The following SGMS2 variants were observed in gnomAD, a reference collection of about 807,000 sequenced individuals.
The protein encoded by SGMS2 is phosphatidylcholine:ceramide cholinephosphotransferase 2.
In SGMS2, 21 loss-of-function variants were observed where a neutral mutation model predicts 43.8. The ratio of observed to expected loss-of-function variants is 0.48; its 90% confidence interval spans 0.34 to 0.69. The LOEUF is 0.69. SGMS2 is among the 30% of genes least tolerant of loss of function. The pLI, the probability that SGMS2 is intolerant of heterozygous loss-of-function variation, is 0.01. For missense variants in SGMS2, 384 were observed against 443.2 expected (o/e 0.87, Z 1.20); for synonymous variants, 167 against 160.6 (o/e 1.04, Z -0.30).
chr4:107,878,189 C>T (rs905440393), intron 2 of SGMS2, among the ~76,000 whole-genome samples: 3 of 152,174 alleles, frequency 2.0e-5, no homozygotes, highest in African/African-American at 7.2e-5. Flanking sequence ...GCTGGGATTA[C>T]AGGCATGAGC....
At chr4:107,900,906 C>T (rs765450843) in intron 4 of SGMS2, among the ~76,000 whole-genome samples, 8 of 152,054 alleles carry the variant, frequency 5.3e-5, no homozygotes, top group Non-Finnish European at 1.0e-4. Flanking sequence ...TAAACACTGG[C>T]CGATTTTAGT....
chr4:107,913,962 G>A lies in SGMS2; in HGVS notation c.*3409G>A, dbSNP rs1413709311. ...ATGAAAACTTTAAGCCAATCTTAATGCACTAGCCTCTGTAGTGTAAGGAAG... is the reference window on the plus strand; with the variant it reads ...ATGAAAACTTTAAGCCAATCTTAATACACTAGCCTCTGTAGTGTAAGGAAG... On this transcript the variant is annotated 3_prime_UTR_variant, in exon 7 of 7. Transcript: ENST00000690982. 1.3e-5 allele frequency: 2 copies of A among 152,106 alleles called. No individual in the cohort carries two copies. The highest frequency in any genetic ancestry group is 2.9e-5 in the Non-Finnish European group (2 of 68,004). The allele number at this position is 152,106 out of a possible 1,614,324, so 9.4% of individuals were successfully genotyped here.
intron 2 of SGMS2, among the ~76,000 whole-genome samples, chr4:107,869,343 C>T (rs1328877044): frequency 2.0e-5 from 3 of 151,996 alleles, no homozygotes; most frequent in Non-Finnish European, 2.9e-5. Flanking sequence ...GAAGTTTAGG[C>T]TGCTAAAAAA....
intron 1 of SGMS2, among the ~76,000 whole-genome samples, chr4:107,846,472 A>T (rs1726826959): frequency 6.7e-6 from 1 of 149,996 alleles, no homozygotes; most frequent in Non-Finnish European, 1.5e-5. Flanking sequence ...ATAGTATTCC[A>T]TGGTGTATAT....
At chr4:107,870,087 T>C (rs1209078246) in intron 2 of SGMS2, among the ~76,000 whole-genome samples, 1 of 152,256 alleles carries the variant, frequency 6.6e-6, no homozygotes, top group Non-Finnish European at 1.5e-5. Context: ...ACTTTTACGT[T>C]GTACTCTAGT....
chr4:107,906,458 TG>T (rs1367576219), intron 5 of SGMS2, among the ~76,000 whole-genome samples: 1 of 152,228 alleles, frequency 6.6e-6, no homozygotes, highest in Non-Finnish European at 1.5e-5. Context: ...TTTGGTTTTT[TG>T]TTTTTTCACC....
At chr4:107,856,533 A>C (rs1727438233) in intron 1 of SGMS2, among the ~76,000 whole-genome samples, 1 of 152,218 alleles carries the variant, frequency 6.6e-6, no homozygotes, top group Non-Finnish European at 1.5e-5. Context: ...CTTGAGTTAG[A>C]GTGCAAAAGC....
At chr4:107,877,917 T>TC (rs1553931529) in intron 2 of SGMS2, among the ~76,000 whole-genome samples, 8 of 137,624 alleles carry the variant, frequency 5.8e-5, no homozygotes, top group Non-Finnish European at 7.9e-5. Context: ...TCTTTTCTTT[T>TC]TTTTTTTTTT....
At chr4:107,890,950 T>TG (rs1316257406) in intron 2 of SGMS2, among the ~76,000 whole-genome samples, 1 of 152,008 alleles carries the variant, frequency 6.6e-6, no homozygotes, top group Non-Finnish European at 1.5e-5. Context: ...GCTGTCATGG[T>TG]GGGAAAAAAA....
chr4:107,850,649 C>T (rs1235735892), intron 1 of SGMS2, among the ~76,000 whole-genome samples: 1 of 152,112 alleles, frequency 6.6e-6, no homozygotes, highest in Admixed American at 6.6e-5. Context: ...ACTTTCCCTT[C>T]CTATAGTACC....
At chr4:107,830,566 G>T (rs1725836321) in intron 1 of SGMS2, among the ~76,000 whole-genome samples, 1 of 152,146 alleles carries the variant, frequency 6.6e-6, no homozygotes, top group African/African-American at 2.4e-5. Flanking sequence ...TTTAATAATA[G>T]CCATTCTGAC....
At chr4:107,873,261 C>T (rs898519014) in intron 2 of SGMS2, 8 of 151,880 alleles carry the variant, frequency 5.3e-5, no homozygotes, top group African/African-American at 1.7e-4. Context: ...CTTTTGCCTA[C>T]GATTTGTCAG....
At chr4:107,883,325 T>C (rs1055793181) in intron 2 of SGMS2, among the ~76,000 whole-genome samples, 5 of 152,194 alleles carry the variant, frequency 3.3e-5, no homozygotes, top group African/African-American at 1.2e-4. Flanking sequence ...CTTCTTTTTT[T>C]TATTTTTGAA....
chr4:107,835,206 A>C (rs938295375), intron 1 of SGMS2, among the ~76,000 whole-genome samples: 2 of 152,168 alleles, frequency 1.3e-5, no homozygotes, highest in Non-Finnish European at 2.9e-5. Context: ...AATCAGAAAT[A>C]GTGTAGAATT....
chr4:107,848,103 C>T (rs1726936831), intron 1 of SGMS2, among the ~76,000 whole-genome samples: 1 of 152,190 alleles, frequency 6.6e-6, no homozygotes, highest in South Asian at 2.1e-4. Context: ...CTGGCAACCA[C>T]TCATCTCTTT....
chr4:107,883,175 A>G (rs540032451), intron 2 of SGMS2, among the ~76,000 whole-genome samples: 3 of 152,296 alleles, frequency 2.0e-5, no homozygotes, highest in African/African-American at 7.2e-5. Flanking sequence ...TCAGATCTGA[A>G]CTGCCATCCC....
At position 107,910,593 on chromosome 4, in the gene SGMS2, T is replaced by C. The variant is rs374224142; in HGVS notation, c.*40T>C. On this transcript the variant is annotated 3_prime_UTR_variant, in exon 7 of 7. Coordinates refer to ENST00000690982, the MANE Select transcript of SGMS2 (RefSeq NM_001375905.1). ...GCATCAGCTCTTACACCAAAAGAGT[T>C]AACGCTGTAACCAAAGGTATAGTTT... 8 of 1,579,330 alleles carry C rather than the reference T, an allele frequency of 5.1e-6. No homozygotes were observed. The African/African-American group carries it at 1.1e-4, about 21-fold the overall frequency.
chr4:107,836,781 T>G (rs1320437274), intron 1 of SGMS2, among the ~76,000 whole-genome samples: 1 of 152,128 alleles, frequency 6.6e-6, no homozygotes, highest in Non-Finnish European at 1.5e-5. Flanking sequence ...TTACTTGATA[T>G]CAAATATTTG....
intron 2 of SGMS2, among the ~76,000 whole-genome samples, chr4:107,860,321 G>T (rs1727655545): frequency 6.6e-6 from 1 of 151,988 alleles, no homozygotes; most frequent in South Asian, 2.1e-4. Context: ...ATGTTCCACA[G>T]TTAAAATAGT....
Sources: allele counts gnomAD v4.1 joint callset (sites outside exome capture counted in the v4.1 genomes callset), GRCh38; gene constraint gnomAD v4.1.1; transcripts MANE v1.5; gene names NCBI Gene and HGNC (gene_info 2026-07-23, HGNC 2026-07-21).